Variants in ATP5F1A observed in about 807,000 individuals in gnomAD.
The protein encoded by ATP5F1A is ATP synthase F1 subunit alpha.
In ATP5F1A, 24 loss-of-function variants were observed where a neutral mutation model predicts 57.4. The ratio of observed to expected loss-of-function variants is 0.42; its 90% CI spans 0.30 to 0.59. The LOEUF (loss-of-function observed/expected upper bound fraction) is 0.59. Ranked by LOEUF, ATP5F1A falls within the 20% of genes least tolerant of loss-of-function variation. The pLI is 0.19. For synonymous variants in ATP5F1A, 251 were observed against 255.5 expected (o/e 0.98, Z 0.17); for missense variants, 494 against 707.9 (o/e 0.70, Z 3.43).
intron 10 of ATP5F1A, 62 bp from the exon 11 acceptor site, chr18:46,084,716 A>C (rs1909957313): frequency 6.8e-7 from 1 of 1,461,132 alleles, no homozygotes; most frequent in African/African-American, 1.4e-5. Flanking sequence ...CATGTTACCA[A>C]GGTCAGGAAA....
chr18:46,096,471 G>A (rs921610002), intron 1 of ATP5F1A, among the ~76,000 whole-genome samples: 2 of 131,814 alleles, frequency 1.5e-5, no homozygotes, highest in Non-Finnish European at 3.1e-5. Context: ...CTGCACTCCA[G>A]CCTGGGCGAC....
At chr18:46,101,748 T>G (rs761274968), upstream of ATP5F1A, among the ~76,000 whole-genome samples, 34 of 151,628 alleles carry the variant, frequency 2.2e-4, no homozygotes, top group Middle Eastern at 3.4e-3. Context: ...CATCTTTAGC[T>G]GGGCATGGTG....
intron 1 of ATP5F1A, 45 bp downstream of exon 1, chr18:46,098,127 C>A (rs1316713757): frequency 3.8e-6 from 6 of 1,573,480 alleles, no homozygotes; most frequent in Non-Finnish European, 3.4e-6. Flanking sequence ...CACCACCCTG[C>A]AGCCCCACCC....
intron 10 of ATP5F1A, 170 bp from the exon 11 acceptor site, chr18:46,084,824 C>T: frequency 1.6e-6 from 1 of 621,780 alleles, no homozygotes; most frequent in East Asian, 3.2e-5. Context: ...TTCCTCCCAC[C>T]CCTGACAGAA....
In ATP5F1A at chr18:46,084,490, A is replaced by G; in HGVS notation, c.1580+14T>C. 1 of 1,581,516 alleles carries G rather than the reference A, an allele frequency of 6.3e-7. No individual in the cohort carries two copies. The highest frequency in any genetic ancestry group is 1.4e-5 in the African/African-American group (1 of 73,138). On this transcript the variant is annotated intron_variant, in intron 11 of 11. Coordinates refer to ENST00000398752, the MANE Select transcript of ATP5F1A (RefSeq NM_004046.6). ...CATAACTTTAAAAAAAGATGCCAAC[A>G]ATTGCATTCATACCTGATAGTGCCC...
chr18:46,094,995 T>C (rs1375077740), intron 2 of ATP5F1A, 58 bp downstream of exon 2: 4 of 1,534,902 alleles, frequency 2.6e-6, no homozygotes, highest in African/African-American at 1.4e-5. Context: ...TTATACGATG[T>C]ATGTAATTTA....
intron 2 of ATP5F1A, 155 bp downstream of exon 2, chr18:46,094,898 G>A (rs1219231278): frequency 1.7e-6 from 2 of 1,163,698 alleles, no homozygotes; most frequent in South Asian, 2.8e-5. Context: ...ACCATGACAG[G>A]GCTAAATGGT....
At chr18:46,086,020 G>C (rs776965548) in intron 10 of ATP5F1A, 93 bp downstream of exon 10, 6 of 1,364,408 alleles carry the variant, frequency 4.4e-6, no homozygotes, top group South Asian at 1.4e-5. Flanking sequence ...ACAACACGTA[G>C]TACAGGCCGT....
In ATP5F1A at chr18:46,087,475, T is replaced by C; in HGVS notation, c.817A>G (p.Ile273Val). The change falls in exon 7 of 12, where the codon ATT becomes GTT. Residue 273 changes from isoleucine to valine, a missense_variant. By Grantham distance (29) the Ile-to-Val change is conservative. Coordinates refer to ENST00000398752, the MANE Select transcript of ATP5F1A (RefSeq NM_004046.6). ...TCCGAGGCCGTAGCCGACACCACAATGGTGTACTTCATGGCATCTGAGAAA... is the reference window on the plus strand; with the variant it reads ...TCCGAGGCCGTAGCCGACACCACAACGGTGTACTTCATGGCATCTGAGAAA... ...LTDADAMKYTIVVSATASDAA... is the reference protein window; with the variant it reads ...LTDADAMKYTVVVSATASDAA... The C allele has an allele frequency of 6.2e-7, 1 of 1,614,048 alleles. No individual in the cohort carries two copies. Among genetic ancestry groups the C allele is most frequent in the Non-Finnish European group, 8.5e-7 (1 of 1,180,002 alleles).
upstream of ATP5F1A, among the ~76,000 whole-genome samples, chr18:46,102,259 C>T (rs969799742): frequency 4.0e-5 from 6 of 151,570 alleles, no homozygotes; most frequent in Admixed American, 2.0e-4. Context: ...TTTTTTTGCC[C>T]CATACTGAAG....
rs1427323644 is a variant in ATP5F1A at position 46,087,035 on chromosome 18, T to C, written c.1149A>G (p.Thr383=). 6 of 1,614,070 alleles carry C rather than the reference T, an allele frequency of 3.7e-6. 1 individual carries two copies. The East Asian group carries it at 1.1e-4, about 30-fold the overall frequency. Reference sequence around the variant, plus strand: ...GTCCGTCAGTGATGGAAATGACATTTGTTGGAATGTAAGCAGACACATCAC... The same window carrying C: ...GTCCGTCAGTGATGGAAATGACATTCGTTGGAATGTAAGCAGACACATCAC... The part of the protein sequence containing the change: ...QAGDVSAYIP[T]NVISITDGQI... Residue 383 remains threonine, a synonymous_variant, in exon 8 of 12, where the codon ACA becomes ACG. Coordinates refer to ENST00000398752, the MANE Select transcript of ATP5F1A (RefSeq NM_004046.6).
At chr18:46,104,219 G>C in exon 1 of ATP5F1A, 2 of 424,232 alleles carry the variant, frequency 4.7e-6, no homozygotes, top group Non-Finnish European at 8.4e-6. Flanking sequence ...ACGAAGCGAG[G>C]CTTGCAATGC....
intron 1 of ATP5F1A, among the ~76,000 whole-genome samples, chr18:46,096,718 A>C (rs1010846571): frequency 6.6e-6 from 1 of 151,418 alleles, no homozygotes; most frequent in Non-Finnish European, 1.5e-5. Flanking sequence ...ACGACGGCTC[A>C]TGCTTGTAAT....
chr18:46,098,463 G>T (rs896149165), upstream of ATP5F1A: 6 of 1,287,698 alleles, frequency 4.7e-6, no homozygotes, highest in Non-Finnish European at 6.0e-6. Flanking sequence ...TGAATGATTA[G>T]ATATATTCCG....
In ATP5F1A at chr18:46,081,257, G is replaced by C. The variant is rs1477188053; in HGVS notation, c.*3025C>G. The C allele has an allele frequency of 1.3e-5, 2 of 150,820 alleles. No individual in the cohort carries two copies. Among genetic ancestry groups the C allele is most frequent in the Non-Finnish European group, 2.9e-5 (2 of 67,892 alleles). 9.3% of individuals were successfully genotyped at this position (150,820 alleles called of 1,614,324 possible). A position where few individuals can be genotyped will look rare whatever the true frequency, so the allele number is the denominator to read the frequency against. ...TTTATTGAGCATTTACGTGCCAGGA[G>C]TGGGCTACGAGATCCAGTCAACAAA... On this transcript the variant is annotated 3_prime_UTR_variant, in exon 12 of 12. Coordinates refer to ENST00000398752, the MANE Select transcript of ATP5F1A (RefSeq NM_004046.6).
upstream of ATP5F1A, among the ~76,000 whole-genome samples, chr18:46,100,318 T>C (rs1205293209): frequency 8.1e-6 from 1 of 123,480 alleles, no homozygotes; most frequent in Admixed American, 7.8e-5. Flanking sequence ...CCAAGTAAAA[T>C]AAAATACAGA....
At chr18:46,091,298 C>T (rs1910535240) in intron 3 of ATP5F1A, among the ~76,000 whole-genome samples, 1 of 152,208 alleles carries the variant, frequency 6.6e-6, no homozygotes, top group Non-Finnish European at 1.5e-5. Flanking sequence ...TGTCTACTCA[C>T]TAGAAATACA....
intron 6 of ATP5F1A, 40 bp downstream of exon 6, chr18:46,088,069 A>G (rs765352396): frequency 6.3e-6 from 10 of 1,579,250 alleles, no homozygotes; most frequent in Non-Finnish European, 8.5e-6. Context: ...CAGCAATGGG[A>G]CTTAAGATAA....
At chr18:46,102,324 T>A (rs987703182), upstream of ATP5F1A, among the ~76,000 whole-genome samples, 1 of 151,854 alleles carries the variant, frequency 6.6e-6, no homozygotes, top group East Asian at 1.9e-4. Context: ...ATTTAGTTTT[T>A]GTTTTTTTTT....
Sources: gnomAD v4.1 joint callset for allele counts (sites outside exome capture counted in the v4.1 genomes callset) on GRCh38, gnomAD v4.1.1 for gene constraint, MANE v1.5 for transcripts, NCBI Gene and HGNC (gene_info 2026-07-23, HGNC 2026-07-21) for gene names.